KCNK2: variants seen among roughly 807,000 people sequenced by gnomAD.
KCNK2 encodes the protein potassium two pore domain channel subfamily K member 2, also known as potassium channel subfamily K member 2.
Under a neutral mutation model 40.5 loss-of-function variants are expected in KCNK2, and 21 were observed. That is an observed-to-expected ratio of 0.52 (90% CI 0.37 to 0.75). KCNK2 has a LOEUF of 0.75. Ranked by LOEUF, KCNK2 falls within the 30% of genes least tolerant of loss-of-function variation. KCNK2 has a pLI of 0.00. For missense variants in KCNK2, 399 were observed against 531.6 expected (o/e 0.75, Z 2.45); for synonymous variants, 191 against 202.2 (o/e 0.94, Z 0.47).
At chr1:215,084,044 T>A (rs188744595) in intron 1 of KCNK2, among the ~76,000 whole-genome samples, 14 of 152,326 alleles carry the variant, frequency 9.2e-5, no homozygotes, top group African/African-American at 2.9e-4. Flanking sequence ...TTTTATTTTT[T>A]AAAAATATTA....
In KCNK2 at chr1:215,083,116, C is replaced by T. The variant is rs959019929; in HGVS notation, c.-270C>T. On this transcript the variant is annotated 5_prime_UTR_variant, in exon 1 of 7. Coordinates refer to ENST00000444842, the MANE Select transcript of KCNK2 (RefSeq NM_001017425.3). ...GCGCGCGGGGGCGGCGGCGCCCAAG[C>T]CCAACTTGGCCTCCGCCTCGCCCTC... 1.7e-6 allele frequency: 1 copy of T among 593,212 alleles called. No individual in the cohort carries two copies. Among genetic ancestry groups the T allele is most frequent in the Non-Finnish European group, 2.8e-6 (1 of 360,406 alleles). The allele number at this position is 593,212 out of a possible 1,614,324, so 36.7% of individuals were successfully genotyped here.
intron 1 of KCNK2, among the ~76,000 whole-genome samples, chr1:215,010,696 A>T (rs1256050492): frequency 2.6e-5 from 4 of 152,210 alleles, no homozygotes; most frequent in Non-Finnish European, 4.4e-5. Flanking sequence ...AAAAGCAACC[A>T]GCAACTTTTC....
chr1:215,104,705 C>T (rs1035115673), intron 2 of KCNK2, among the ~76,000 whole-genome samples: 1 of 151,962 alleles, frequency 6.6e-6, no homozygotes, highest in Non-Finnish European at 1.5e-5. Context: ...ATTAATGGAT[C>T]ATAAATACAA....
intron 1 of KCNK2, among the ~76,000 whole-genome samples, chr1:215,007,342 G>A (rs1338187250): frequency 6.7e-6 from 1 of 149,814 alleles, no homozygotes; most frequent in Non-Finnish European, 1.5e-5. Context: ...CAAGACACTG[G>A]CCAAGTCCTC....
intron 2 of KCNK2, among the ~76,000 whole-genome samples, chr1:215,111,572 G>A (rs1285073080): frequency 6.6e-6 from 1 of 151,688 alleles, no homozygotes; most frequent in Non-Finnish European, 1.5e-5. Flanking sequence ...CTAAATTATT[G>A]TATTCTTCAG....
In KCNK2 at chr1:215,115,858, A is replaced by G. The variant is rs533265747; in HGVS notation, c.358-8775A>G. On this transcript the variant is annotated intron_variant, in intron 2 of 6. Coordinates refer to ENST00000444842, the MANE Select transcript of KCNK2 (RefSeq NM_001017425.3). ...ATACAGTAATATGGAATCTAGGAAG[A>G]CTCATGGAAAAATGCACACCAGGGA... is the stretch of plus-strand genomic sequence containing the variant. 1.1e-3 allele frequency among the ~76,000 whole-genome samples: 170 copies of G among 151,640 alleles called. 1 individual carries two copies. The highest frequency in any genetic ancestry group is 4.0e-3 in the African/African-American group (164 of 41,362).
At chr1:215,077,731 C>T (rs905142068) in intron 1 of KCNK2, among the ~76,000 whole-genome samples, 13 of 151,998 alleles carry the variant, frequency 8.6e-5, no homozygotes, top group Non-Finnish European at 1.5e-4. Flanking sequence ...AGTCTTCTTC[C>T]GAGCTCTTCT....
At chr1:215,219,338 A>G (rs1288557502) in intron 6 of KCNK2, among the ~76,000 whole-genome samples, 2 of 152,244 alleles carry the variant, frequency 1.3e-5, no homozygotes, top group Non-Finnish European at 2.9e-5. Flanking sequence ...AATCCTGTCC[A>G]TGCCTATTTT....
chr1:215,032,401 C>T (rs138256382), intron 1 of KCNK2, among the ~76,000 whole-genome samples: 104 of 151,970 alleles, frequency 6.8e-4, no homozygotes, highest in African/African-American at 2.4e-3. Context: ...GAGTGAGATC[C>T]CATCTCAAAA....
At chr1:215,114,289 A>G (rs1660827486) in intron 2 of KCNK2, among the ~76,000 whole-genome samples, 1 of 152,172 alleles carries the variant, frequency 6.6e-6, no homozygotes, top group Admixed American at 6.5e-5. Flanking sequence ...TGACTAATGT[A>G]GAAAACATGA....
intron 1 of KCNK2, among the ~76,000 whole-genome samples, chr1:215,020,958 A>G (rs1656766252): frequency 6.6e-6 from 1 of 152,202 alleles, no homozygotes. Context: ...ATCTTCTAGT[A>G]TAATATAAAA....
At chr1:215,112,464 T>G (rs541358102) in intron 2 of KCNK2, among the ~76,000 whole-genome samples, 114 of 152,162 alleles carry the variant, frequency 7.5e-4, no homozygotes, top group Non-Finnish European at 1.4e-3. Flanking sequence ...AGTCAAAAAA[T>G]TAAACAGTTT....
At chr1:215,031,789 G>T (rs923332206) in intron 1 of KCNK2, among the ~76,000 whole-genome samples, 2 of 152,114 alleles carry the variant, frequency 1.3e-5, no homozygotes, top group African/African-American at 4.8e-5. Context: ...AGATTGTTCA[G>T]TAGTTCCAGG....
intron 2 of KCNK2, among the ~76,000 whole-genome samples, chr1:215,121,887 A>G (rs1661204086): frequency 6.6e-6 from 1 of 152,210 alleles, no homozygotes; most frequent in Admixed American, 6.5e-5. Flanking sequence ...TTTTACAAGA[A>G]CATCTTAAAA....
At chr1:215,184,492 C>T (rs1238977706) in intron 5 of KCNK2, among the ~76,000 whole-genome samples, 2 of 152,046 alleles carry the variant, frequency 1.3e-5, no homozygotes, top group African/African-American at 4.8e-5. Flanking sequence ...AAAGACATAC[C>T]TGAGACTGGG....
chr1:215,010,864 T>TG (rs1553254943), intron 1 of KCNK2, among the ~76,000 whole-genome samples: 11 of 137,854 alleles, frequency 8.0e-5, no homozygotes, highest in African/African-American at 1.3e-4. Flanking sequence ...TTTTTTTTTT[T>TG]TTTTTGTGTG....
chr1:215,011,379 G>A (rs2102470609), intron 1 of KCNK2, among the ~76,000 whole-genome samples: 1 of 150,962 alleles, frequency 6.6e-6, no homozygotes, highest in East Asian at 2.0e-4. Flanking sequence ...CTGCATCCTC[G>A]ACCTCCTGGG....
At chr1:215,131,499 T>A (rs1217270984) in intron 3 of KCNK2, among the ~76,000 whole-genome samples, 2 of 147,412 alleles carry the variant, frequency 1.4e-5, no homozygotes, top group African/African-American at 4.9e-5. Context: ...AAATTATTAA[T>A]ATATAAAATT....
At chr1:215,058,203 A>G (rs12028008) in intron 1 of KCNK2, among the ~76,000 whole-genome samples, 62,234 of 151,872 alleles carry the variant, frequency 0.41, 14,778 homozygotes, top group Non-Finnish European at 0.53. Context: ...TCACTAGATA[A>G]ATACTTGCAA....
Sources: gnomAD v4.1 joint callset for allele counts (sites outside exome capture counted in the v4.1 genomes callset) on GRCh38, gnomAD v4.1.1 for gene constraint, MANE v1.5 for transcripts, NCBI Gene and HGNC (gene_info 2026-07-23, HGNC 2026-07-21) for gene names.